The following ALK variants were observed in gnomAD, a reference collection of about 807,000 sequenced individuals.
ALK encodes the protein ALK tyrosine kinase receptor.
ALK carries 74 observed loss-of-function variants against 163.1 expected under a neutral mutation model. The observed-to-expected ratio is 0.45, with a 90% confidence interval of 0.38 to 0.55. The LOEUF is 0.55. ALK is among the 20% of genes least tolerant of loss of function. The pLI is 0.00. For synonymous variants in ALK, 960 were observed against 843.2 expected, an observed-to-expected ratio of 1.14 and a Z score of -2.40; for missense variants, 2,063 against 2,105.3, an observed-to-expected ratio of 0.98 and a Z score of 0.39.
chr2:29,579,010 T>A (rs1326324691), intron 3 of ALK, among the ~76,000 whole-genome samples: 1 of 152,180 alleles, frequency 6.6e-6, no homozygotes, highest in Non-Finnish European at 1.5e-5. Context: ...AGCAGGAGAA[T>A]GCACACTCTT....
intron 4 of ALK, among the ~76,000 whole-genome samples, chr2:29,471,517 A>G (rs2148111407): frequency 6.6e-6 from 1 of 152,346 alleles, no homozygotes; most frequent in East Asian, 1.9e-4. Flanking sequence ...CTATATTAAT[A>G]GAAAAAAGAA....
chr2:29,854,444 CAT>C (rs1330189160), intron 1 of ALK, among the ~76,000 whole-genome samples: 1 of 152,158 alleles, frequency 6.6e-6, no homozygotes, highest in African/African-American at 2.4e-5. Context: ...TCTTTTACCA[CAT>C]GATATGCTGG....
rs2148151884 is a variant in ALK at position 29,207,156 on chromosome 2, T to A, written c.3938+15A>T. 4 of 1,601,922 alleles carry A rather than the reference T, an allele frequency of 2.5e-6. No homozygotes were observed. The highest frequency in any genetic ancestry group is 3.4e-6 in the Non-Finnish European group (4 of 1,168,990). Reference sequence around the variant, plus strand: ...TATGGCTGCAGGGATACCTGGAGGATGATGGCTGACTTACCATGTGTCTGT... The same window carrying A: ...TATGGCTGCAGGGATACCTGGAGGAAGATGGCTGACTTACCATGTGTCTGT... On this transcript the variant is annotated intron_variant, in intron 26 of 28. Transcript: ENST00000389048.
rs181883774 is a variant in ALK, at chr2:29,558,386, T to C, written c.953-26270A>G. Among the ~76,000 whole-genome samples, 302 of 152,292 alleles carry C rather than the reference T, an allele frequency of 2.0e-3. 3 individuals are homozygous for C. Among genetic ancestry groups the C allele is most frequent in the African/African-American group, 6.2e-3 (256 of 41,560 alleles). On this transcript the variant is annotated intron_variant, in intron 3 of 28. Coordinates refer to ENST00000389048, the MANE Select transcript of ALK (RefSeq NM_004304.5). ...GTGGCTTTTTGTTTTGCCTATAGAA[T>C]GAAGTCCAAACTCTTTAGCCTGGCC...
chr2:29,700,123 C>G (rs1204768091), intron 2 of ALK, among the ~76,000 whole-genome samples: 2 of 152,210 alleles, frequency 1.3e-5, no homozygotes, highest in African/African-American at 4.8e-5. Context: ...ACTCAGCCTG[C>G]CTCTGCTCAG....
chr2:29,213,419 A>T (rs1403535610), intron 24 of ALK, among the ~76,000 whole-genome samples: 2 of 152,246 alleles, frequency 1.3e-5, no homozygotes, highest in African/African-American at 2.4e-5. Context: ...TATGCCAAGT[A>T]TACAAAGATG....
intron 1 of ALK, among the ~76,000 whole-genome samples, chr2:29,893,018 T>C (rs1281907829): frequency 6.6e-6 from 1 of 152,212 alleles, no homozygotes; most frequent in Non-Finnish European, 1.5e-5. Context: ...TAGGGCACAG[T>C]ACTGCCTTGC....
intron 25 of ALK, among the ~76,000 whole-genome samples, chr2:29,207,892 A>G (rs115985886): frequency 0.018 from 2,762 of 152,350 alleles, 91 homozygotes; most frequent in African/African-American, 0.063. Flanking sequence ...CTAAAAACCA[A>G]TAAATTAACT....
chr2:29,733,982 G>C (rs1379899703), intron 1 of ALK, among the ~76,000 whole-genome samples: 1 of 152,150 alleles, frequency 6.6e-6, no homozygotes. Context: ...CCTGAACTTG[G>C]AGTTGCTTGT....
At chr2:29,513,587 G>A (rs972108209) in intron 4 of ALK, among the ~76,000 whole-genome samples, 4 of 151,922 alleles carry the variant, frequency 2.6e-5, no homozygotes, top group Non-Finnish European at 5.9e-5. Flanking sequence ...ACTTAGGCAC[G>A]GGCAAGGACT....
chr2:29,842,480 C>A (rs1665726487), intron 1 of ALK, among the ~76,000 whole-genome samples: 1 of 152,184 alleles, frequency 6.6e-6, no homozygotes, highest in Admixed American at 6.5e-5. Flanking sequence ...TGTTCTTCTT[C>A]CCACTTGACA....
intron 1 of ALK, among the ~76,000 whole-genome samples, chr2:29,870,006 G>T (rs920364266): frequency 6.6e-6 from 1 of 152,150 alleles, no homozygotes; most frequent in African/African-American, 2.4e-5. Context: ...CTTCATCTAT[G>T]ATAGCAAAAT....
chr2:29,735,325 A>C (rs991209189), intron 1 of ALK, among the ~76,000 whole-genome samples: 2 of 152,110 alleles, frequency 1.3e-5, no homozygotes, highest in African/African-American at 4.8e-5. Context: ...ATTCTCTCCT[A>C]AGAAAATATT....
chr2:29,213,815 C>T (rs571637757), intron 24 of ALK, among the ~76,000 whole-genome samples, 169 bp downstream of exon 24: 1 of 152,262 alleles, frequency 6.6e-6, no homozygotes, highest in Admixed American at 6.5e-5. Context: ...GAGACCCTGT[C>T]TCTCACAAAA....
intron 12 of ALK, among the ~76,000 whole-genome samples, chr2:29,242,933 T>G (rs939564958): frequency 6.6e-6 from 1 of 152,154 alleles, no homozygotes; most frequent in Non-Finnish European, 1.5e-5. Context: ...TGGCTTAAAG[T>G]CAGGGGGAGC....
intron 1 of ALK, among the ~76,000 whole-genome samples, chr2:29,784,119 GAAGA>G (rs1399127482): frequency 6.6e-6 from 1 of 152,062 alleles, no homozygotes; most frequent in Non-Finnish European, 1.5e-5. Flanking sequence ...GGAGACAGAA[GAAGA>G]AAGAAAGAAA....
At chr2:29,272,266 A>C (rs547558934) in intron 11 of ALK, among the ~76,000 whole-genome samples, 2 of 152,116 alleles carry the variant, frequency 1.3e-5, no homozygotes, top group East Asian at 3.9e-4. Flanking sequence ...TGGTTAGTGT[A>C]ATTGTATGTG....
rs1669291784 is a variant in ALK, at chr2:29,395,882, G to A, written c.1155-12023C>T. Among the ~76,000 whole-genome samples, 2 of 152,170 alleles carry A rather than the reference G, an allele frequency of 1.3e-5. 1 individual carries two copies. The highest frequency in any genetic ancestry group is 4.1e-4 in the South Asian group (2 of 4,832). On this transcript the variant is annotated intron_variant, in intron 4 of 28. Transcript: ENST00000389048. ...TTTTGCCTAATCATATTTCTACACA[G>A]CTATCTGTTCTTCATTGAACCTAAG... is the stretch of plus-strand genomic sequence containing the variant.
Position 29,222,520 on chromosome 2 carries a change from C to A in ALK, c.3447G>T (p.Val1149=), listed in dbSNP as rs2148169111. The A allele has an allele frequency of 1.2e-6, 2 of 1,614,156 alleles. No homozygotes were observed. Among genetic ancestry groups the A allele is most frequent in the Non-Finnish European group, 1.7e-6 (2 of 1,180,012 alleles). ...PNDPSPLQVA[V]KTLPEVCSEQ... is the part of the protein sequence containing the mutation. Reference sequence around the variant, plus strand: ...TCAAGAGTGAGCCACTTCTTACCTTCACAGCCACTTGCAGGGGGCTTGGGT... The same window carrying A: ...TCAAGAGTGAGCCACTTCTTACCTTAACAGCCACTTGCAGGGGGCTTGGGT... The change falls in exon 21 of 29, where the codon GTG becomes GTT. Residue 1149 remains valine (V), a synonymous_variant. Coordinates refer to ENST00000389048, the MANE Select transcript of ALK (RefSeq NM_004304.5).
Sources: gnomAD v4.1 joint callset for allele counts (sites outside exome capture counted in the v4.1 genomes callset) on GRCh38, gnomAD v4.1.1 for gene constraint, MANE v1.5 for transcripts, NCBI Gene and HGNC (gene_info 2026-07-23, HGNC 2026-07-21) for gene names.